WWOX: variants seen among roughly 807,000 people sequenced by gnomAD.
WWOX encodes WW domain containing oxidoreductase.
Under a neutral mutation model 46.2 loss-of-function variants are expected in WWOX, and 69 were observed. The ratio of observed to expected loss-of-function variants is 1.49; its 90% CI spans 1.23 to 1.82. The LOEUF (loss-of-function observed/expected upper bound fraction) is 1.82. Among genes scored for constraint, WWOX ranks in the 40% most tolerant of loss-of-function variants. The pLI, the probability that WWOX is intolerant of heterozygous loss-of-function variation, is 0.00. For missense variants in WWOX, 919 were observed against 542.6 expected (o/e 1.69, Z -6.89); for synonymous variants, 359 against 202.6 (o/e 1.77, Z -6.56).
intron 8 of WWOX, among the ~76,000 whole-genome samples, chr16:78,803,083 T>A (rs931996018): frequency 7.9e-5 from 12 of 151,762 alleles, no homozygotes; most frequent in Admixed American, 4.6e-4. Context: ...TTTTAAAAAA[T>A]GTCTTGGAAT....
intron 8 of WWOX, among the ~76,000 whole-genome samples, chr16:78,744,624 G>T (rs531381108): frequency 2.6e-5 from 4 of 151,676 alleles, no homozygotes; most frequent in Non-Finnish European, 5.9e-5. Context: ...TAGAGATGAG[G>T]TTTCACCATG....
chr16:79,137,551 G>A (rs1432123884), intron 8 of WWOX, among the ~76,000 whole-genome samples: 1 of 152,098 alleles, frequency 6.6e-6, no homozygotes, highest in Non-Finnish European at 1.5e-5. Flanking sequence ...GCAACGTTGT[G>A]GAATTTTTAG....
Position 78,858,970 on chromosome 16 carries a change from C to T in WWOX, c.1057-352638C>T, listed in dbSNP as rs149498430. On this transcript the variant is annotated intron_variant, in intron 8 of 8. Coordinates refer to ENST00000566780, the MANE Select transcript of WWOX (RefSeq NM_016373.4). ...CTGGGATTACAGGTGTGAGCCACCACGGCTGGCCAATATCTACTAGTTTTG... is the reference window on the plus strand; with the variant it reads ...CTGGGATTACAGGTGTGAGCCACCATGGCTGGCCAATATCTACTAGTTTTG... Among the ~76,000 whole-genome samples the T allele has an allele frequency of 4.2e-3, 554 of 131,920 alleles. 2 individuals carry two copies. Among genetic ancestry groups the T allele is most frequent in the Non-Finnish European group, 6.3e-3 (412 of 65,036 alleles). The allele number at this position is 131,920 out of a possible 152,430, so 86.5% of individuals were successfully genotyped here.
intron 8 of WWOX, among the ~76,000 whole-genome samples, chr16:78,526,691 A>G (rs2043477787): frequency 6.6e-6 from 1 of 152,140 alleles, no homozygotes; most frequent in African/African-American, 2.4e-5. Flanking sequence ...GGACGTGTCA[A>G]GACTGCAGCC....
At chr16:79,015,188 T>G (rs906305852) in intron 8 of WWOX, among the ~76,000 whole-genome samples, 3 of 152,122 alleles carry the variant, frequency 2.0e-5, no homozygotes, top group Non-Finnish European at 4.4e-5. Flanking sequence ...AGGTATGGTC[T>G]TAGGCCCTGG....
intron 8 of WWOX, among the ~76,000 whole-genome samples, chr16:78,433,163 G>A (rs1257215132): frequency 6.6e-6 from 1 of 152,182 alleles, no homozygotes; most frequent in African/African-American, 2.4e-5. Context: ...TTCAGCAGAT[G>A]TGATTCCTTT....
At chr16:78,822,223 G>C (rs1031425704) in intron 8 of WWOX, among the ~76,000 whole-genome samples, 5 of 152,178 alleles carry the variant, frequency 3.3e-5, no homozygotes, top group Admixed American at 3.3e-4. Context: ...GCCAGGTGTG[G>C]TGGCTTACCC....
chr16:78,151,504 C>T (rs531096029), intron 4 of WWOX, among the ~76,000 whole-genome samples: 1 of 152,070 alleles, frequency 6.6e-6, no homozygotes, highest in Non-Finnish European at 1.5e-5. Context: ...GGCGTGGTAC[C>T]CAGCCAAGAG....
chr16:78,832,333 G>A (rs1425288819), intron 8 of WWOX, among the ~76,000 whole-genome samples: 1 of 152,210 alleles, frequency 6.6e-6, no homozygotes, highest in African/African-American at 2.4e-5. Context: ...CAGAGAGAGT[G>A]TGAGGAAGAT....
intron 8 of WWOX, among the ~76,000 whole-genome samples, chr16:78,760,907 A>G (rs73573733): frequency 0.023 from 3,510 of 152,258 alleles, 101 homozygotes; most frequent in African/African-American, 0.076. Context: ...GGCGCATCTC[A>G]CGTGGTGGCA....
At chr16:78,514,861 G>T (rs763427871) in intron 8 of WWOX, among the ~76,000 whole-genome samples, 38 of 152,130 alleles carry the variant, frequency 2.5e-4, no homozygotes, top group Non-Finnish European at 4.0e-4. Flanking sequence ...CTATTTGAGT[G>T]CTGGGAATAC....
intron 8 of WWOX, among the ~76,000 whole-genome samples, chr16:78,982,285 A>G (rs184432382): frequency 2.6e-5 from 4 of 152,292 alleles, no homozygotes; most frequent in African/African-American, 7.2e-5. Flanking sequence ...AATCACTTTG[A>G]CTTTGAAAGC....
At chr16:78,535,282 TA>T in intron 8 of WWOX, 1 of 152,358 alleles carries the variant, frequency 6.6e-6, no homozygotes, top group South Asian at 2.1e-4. Flanking sequence ...GGACCAGAGC[TA>T]GGTTAGGTCT....
chr16:78,281,745 A>G (rs1371097383), intron 5 of WWOX, among the ~76,000 whole-genome samples: 1 of 152,058 alleles, frequency 6.6e-6, no homozygotes, highest in Non-Finnish European at 1.5e-5. Context: ...CCAACCATTT[A>G]AAAATGTGAA....
chr16:78,539,899 C>T (rs2941946), intron 8 of WWOX, among the ~76,000 whole-genome samples: 82,789 of 151,496 alleles, frequency 0.55, 25,342 homozygotes, highest in Admixed American at 0.69. Flanking sequence ...AGGATCAGAT[C>T]CAGTACATAT....
intron 8 of WWOX, among the ~76,000 whole-genome samples, chr16:78,955,896 C>T (rs553877504): frequency 3.7e-4 from 57 of 152,048 alleles, no homozygotes; most frequent in Non-Finnish European, 7.2e-4. Flanking sequence ...TCCCATCCCC[C>T]CTCAGCCTCC....
At chr16:79,173,341 G>T (rs6564653) in intron 8 of WWOX, among the ~76,000 whole-genome samples, 1 of 151,896 alleles carries the variant, frequency 6.6e-6, no homozygotes, top group Non-Finnish European at 1.5e-5. Context: ...TGTATGTTTG[G>T]GGTACAACTC....
At chr16:78,414,021 C>G (rs1030583193) in intron 6 of WWOX, among the ~76,000 whole-genome samples, 1 of 151,958 alleles carries the variant, frequency 6.6e-6, no homozygotes, top group South Asian at 2.1e-4. Flanking sequence ...TAACTGATGA[C>G]ATTCCATCAG....
chr16:78,639,085 A>T (rs1018990211), intron 8 of WWOX, among the ~76,000 whole-genome samples: 4 of 152,204 alleles, frequency 2.6e-5, no homozygotes, highest in Non-Finnish European at 5.9e-5. Context: ...AGCTGGGCCT[A>T]AAAGACCAGT....
Sources: allele counts gnomAD v4.1 joint callset (sites outside exome capture counted in the v4.1 genomes callset), GRCh38; gene constraint gnomAD v4.1.1; transcripts MANE v1.5; gene names NCBI Gene and HGNC (gene_info 2026-07-23, HGNC 2026-07-21).